Variants in PARP9 observed in about 807,000 individuals in gnomAD.
The protein encoded by PARP9 is protein mono-ADP-ribosyltransferase PARP9.
In PARP9, 48 loss-of-function variants were observed where a neutral mutation model predicts 68.8. The observed-to-expected ratio is 0.70, with a 90% CI of 0.55 to 0.89. The LOEUF is 0.89. PARP9 is among the 40% of genes least tolerant of loss of function. The probability of loss-of-function intolerance (pLI) is 0.00; values close to 1 mark genes in which losing one functional copy is unlikely to be tolerated. For missense variants in PARP9, 806 were observed against 969.3 expected, an observed-to-expected ratio of 0.83 and a Z score of 2.24; for synonymous variants, 309 against 333.8, an observed-to-expected ratio of 0.93 and a Z score of 0.81.
chr3:122,554,877 C>A (rs1163184019), intron 4 of PARP9, among the ~76,000 whole-genome samples: 1 of 151,568 alleles, frequency 6.6e-6, no homozygotes, highest in African/African-American at 2.4e-5. Flanking sequence ...CATCACCATG[C>A]CCTGATAATT....
At chr3:122,544,349 A>G (rs988554505) in intron 7 of PARP9, among the ~76,000 whole-genome samples, 5 of 152,186 alleles carry the variant, frequency 3.3e-5, no homozygotes, top group African/African-American at 1.2e-4. Flanking sequence ...AATGCTTTCA[A>G]TTTATAGAAC....
At position 122,536,984 on chromosome 3, in the gene PARP9, G is replaced by A; in HGVS notation, c.1855C>T (p.Leu619Phe). 2 of 1,613,848 alleles carry A rather than the reference G, an allele frequency of 1.2e-6. No individual in the cohort carries two copies. Among genetic ancestry groups the A allele is most frequent in the Non-Finnish European group, 1.7e-6 (2 of 1,179,906 alleles). The change falls in exon 9 of 11, where the codon CTT becomes TTT. Residue 619 changes from leucine (L) to phenylalanine (F), a missense_variant. Around this residue, in one of 2 missense-constraint regions of PARP9, gnomAD observed 680 missense variants for 858.8 expected, o/e 0.79. Coordinates refer to ENST00000682323, the MANE Select transcript of PARP9 (RefSeq NM_001146105.2). ...LKCPVPPTQE[L>F]LDQKKQFEKC... Reference sequence around the variant, plus strand: ...TCAAACTGTTTCTTTTGATCTAGAAGCTCTTGAGTTGGAGGCACAGGACAT... The same window carrying A: ...TCAAACTGTTTCTTTTGATCTAGAAACTCTTGAGTTGGAGGCACAGGACAT...
intron 10 of PARP9, 117 bp downstream of exon 10, chr3:122,536,051 T>A: frequency 6.3e-7 from 1 of 1,580,768 alleles, no homozygotes; most frequent in South Asian, 1.1e-5. Context: ...GACCTCTAAA[T>A]CACAGTCACA....
chr3:122,537,117 G>C lies in PARP9; in HGVS notation c.1766-44C>G, dbSNP rs1348834166. The C allele has an allele frequency of 2.0e-6, 3 of 1,535,106 alleles. 1 individual carries two copies. Among genetic ancestry groups the C allele is most frequent in the Non-Finnish European group, 8.8e-7 (1 of 1,137,054 alleles). ...AAAACTTTACTTCAATGCTCTGAGA[G>C]AGGAGAAAAGAAATTTAATGAAACA... On this transcript the variant is annotated intron_variant, in intron 8 of 10. Transcript: ENST00000682323.
intron 7 of PARP9, among the ~76,000 whole-genome samples, chr3:122,543,234 C>A (rs1235923906): frequency 6.7e-6 from 1 of 148,676 alleles, no homozygotes; most frequent in Non-Finnish European, 1.5e-5. Context: ...CTAATGATAA[C>A]GTACCACCTC....
At chr3:122,540,041 A>G (rs192878873) in intron 8 of PARP9, among the ~76,000 whole-genome samples, 1 of 152,372 alleles carries the variant, frequency 6.6e-6, no homozygotes, top group Non-Finnish European at 1.5e-5. Context: ...GGCTCAAGGT[A>G]AGTAATTTTA....
intron 10 of PARP9, 61 bp downstream of exon 10, chr3:122,536,107 T>C: frequency 6.2e-7 from 1 of 1,612,042 alleles, no homozygotes; most frequent in Admixed American, 1.7e-5. Flanking sequence ...TGGAAGAATC[T>C]ACTGATGTCA....
chr3:122,533,914 C>T, intron 10 of PARP9: 2 of 985,452 alleles, frequency 2.0e-6, no homozygotes, highest in Non-Finnish European at 2.4e-6. Flanking sequence ...AAGCTAAGAG[C>T]TTTTGTACTC....
intron 10 of PARP9, chr3:122,534,590 G>C (rs375939820): frequency 1.6e-4 from 64 of 396,822 alleles, no homozygotes; most frequent in African/African-American, 1.3e-3. Flanking sequence ...CTTTAAGAGA[G>C]AACTGCCTGC....
chr3:122,533,204 T>G (rs967422973), intron 10 of PARP9: 1 of 151,520 alleles, frequency 6.6e-6, no homozygotes, highest in Admixed American at 6.6e-5. Flanking sequence ...GGTATAAGGG[T>G]GAGGGAAAAG....
chr3:122,561,357 G>T (rs1242487071), intron 1 of PARP9, among the ~76,000 whole-genome samples: 2 of 152,210 alleles, frequency 1.3e-5, no homozygotes, highest in Admixed American at 1.3e-4. Flanking sequence ...CTACTTGGGA[G>T]GCTGAGATGG....
intron 10 of PARP9, chr3:122,534,216 G>A (rs761615104): frequency 1.8e-5 from 15 of 835,008 alleles, no homozygotes; most frequent in Admixed American, 6.2e-5. Context: ...ATTAGGCCTC[G>A]TGCCCACTGA....
chr3:122,551,881 A>T (rs1483273643), intron 5 of PARP9, among the ~76,000 whole-genome samples: 3 of 152,162 alleles, frequency 2.0e-5, no homozygotes, highest in African/African-American at 7.2e-5. Context: ...ATGCCTACTT[A>T]AAATTTAGAC....
intron 4 of PARP9, among the ~76,000 whole-genome samples, chr3:122,553,016 T>C (rs2079343367): frequency 6.6e-6 from 1 of 152,182 alleles, no homozygotes; most frequent in African/African-American, 2.4e-5. Flanking sequence ...TGCTATTTCG[T>C]CGTGGGTTTT....
Position 122,552,433 on chromosome 3 carries a change from T to G in PARP9, c.1092A>C (p.Glu364Asp), listed in dbSNP as rs1369060165. Residue 364 changes from glutamate to aspartate, a missense_variant, in exon 5 of 11, where the codon GAA becomes GAC. Glu to Asp is a conservative substitution (Grantham distance 45). Around this residue, in one of 2 missense-constraint regions of PARP9, gnomAD observed 680 missense variants for 858.8 expected, o/e 0.79. Coordinates refer to ENST00000682323, the MANE Select transcript of PARP9 (RefSeq NM_001146105.2). ...TTAAACTTACCTGAGGTTTAGGAAA[T>G]TCTGAATGCCACAGTACATGGTATA... is the stretch of plus-strand genomic sequence containing the variant. ...KYIYHVLWHS[E>D]FPKPQILKHA... The G allele has an allele frequency of 6.2e-7, 1 of 1,608,428 alleles. No individual in the cohort carries two copies. The highest frequency in any genetic ancestry group is 1.7e-5 in the Admixed American group (1 of 59,932).
chr3:122,554,216 A>G (rs1225844917), intron 4 of PARP9, among the ~76,000 whole-genome samples: 1 of 151,908 alleles, frequency 6.6e-6, no homozygotes, highest in Admixed American at 6.6e-5. Context: ...CCACCCAGAA[A>G]GCTTCCCCTC....
intron 1 of PARP9, among the ~76,000 whole-genome samples, chr3:122,562,419 T>A (rs1215367619): frequency 6.6e-6 from 1 of 151,668 alleles, no homozygotes; most frequent in African/African-American, 2.4e-5. Flanking sequence ...GGTCTCGATC[T>A]CCTGACCTCA....
In PARP9 at chr3:122,550,616, C is replaced by T. The variant is rs967893344; in HGVS notation, c.1294G>A (p.Val432Met). The change falls in exon 6 of 11, where the codon GTG (valine) becomes ATG (methionine). Residue 432 changes from valine (V) to methionine (M), a missense_variant. Val to Met is a conservative substitution (Grantham distance 21). Around this residue, in one of 2 missense-constraint regions of PARP9, gnomAD observed 680 missense variants for 858.8 expected, o/e 0.79. Transcript: ENST00000682323. ...ATCTCCAAATCTGTTGGAAAGATCACAAATTTTACAGTTAACTGGTGTTTT... is the reference window on the plus strand; with the variant it reads ...ATCTCCAAATCTGTTGGAAAGATCATAAATTTTACAGTTAACTGGTGTTTT... ...HVKHQLTVKF[V>M]IFPTDLEIYK... 6.2e-7 allele frequency: 1 copy of T among 1,613,258 alleles called. No homozygotes were observed. The highest frequency in any genetic ancestry group is 8.5e-7 in the Non-Finnish European group (1 of 1,179,846).
At position 122,550,897 on chromosome 3, in the gene PARP9, C is replaced by T. The variant is rs1576423391; in HGVS notation, c.1108-95G>A. The T allele has an allele frequency of 6.2e-6, 7 of 1,128,766 alleles. No individual in the cohort carries two copies. In the East Asian group the frequency reaches 1.5e-4, roughly 25 times the overall value. 69.9% of individuals were successfully genotyped at this position (1,128,766 alleles called of 1,614,324 possible). ...GCCCATATTTTACAATGTCCACCTT[C>T]ACCCTCCCTCAGGGTTCGTGTCCCT... is the stretch of plus-strand genomic sequence containing the variant. On this transcript the variant is annotated intron_variant, in intron 5 of 10. Coordinates refer to ENST00000682323, the MANE Select transcript of PARP9 (RefSeq NM_001146105.2).
Sources: allele counts gnomAD v4.1 joint callset (sites outside exome capture counted in the v4.1 genomes callset), GRCh38; gene constraint gnomAD v4.1.1; regional missense constraint gnomAD v4.1.1; transcripts MANE v1.5; gene names NCBI Gene and HGNC (gene_info 2026-07-23, HGNC 2026-07-21).